Variants in DOCK10 observed in about 807,000 individuals in gnomAD.
DOCK10 encodes the protein dedicator of cytokinesis protein 10.
A neutral mutation model predicts 280.1 loss-of-function variants in DOCK10; 145 were observed. The observed-to-expected ratio is 0.52, with a 90% CI of 0.45 to 0.59. DOCK10 has a LOEUF of 0.59. Among genes scored for constraint, DOCK10 ranks in the 20% least tolerant of loss-of-function variants. DOCK10 has a pLI of 0.00. For synonymous variants in DOCK10, 915 were observed against 942.2 expected (o/e 0.97, Z 0.53); for missense variants, 2,368 against 2,651.7 (o/e 0.89, Z 2.35).
At chr2:224,982,139 C>T (rs560583248) in intron 1 of DOCK10, 2 of 1,172,442 alleles carry the variant, frequency 1.7e-6, no homozygotes, top group African/African-American at 3.2e-5. Flanking sequence ...ACACCAAAAC[C>T]CCTAAATTGT....
intron 11 of DOCK10, among the ~76,000 whole-genome samples, chr2:224,865,832 G>GTT (rs1361467818): frequency 5.8e-4 from 86 of 148,304 alleles, no homozygotes; most frequent in African/African-American, 1.9e-3. Flanking sequence ...TTAACCTCCT[G>GTT]TTTCTCTCTC....
At chr2:225,038,262 A>AT (rs1408447781) in intron 1 of DOCK10, among the ~76,000 whole-genome samples, 1 of 126,444 alleles carries the variant, frequency 7.9e-6, no homozygotes, top group African/African-American at 2.6e-5. Context: ...AAATTCCAGT[A>AT]TCCCCCACTC....
intron 3 of DOCK10, among the ~76,000 whole-genome samples, chr2:224,908,171 T>C (rs1223186545): frequency 8.9e-6 from 1 of 111,834 alleles, no homozygotes; most frequent in African/African-American, 3.4e-5. Flanking sequence ...ATGAGTTGTG[T>C]GTGTGTGTGT....
chr2:224,891,706 T>G (rs1461307916), intron 4 of DOCK10, among the ~76,000 whole-genome samples: 1 of 152,152 alleles, frequency 6.6e-6, no homozygotes, highest in Non-Finnish European at 1.5e-5. Flanking sequence ...CAAAACTCAG[T>G]CAACCCCAGT....
intron 3 of DOCK10, among the ~76,000 whole-genome samples, chr2:224,906,579 C>T (rs891845562): frequency 7.2e-5 from 11 of 152,144 alleles, no homozygotes; most frequent in Admixed American, 2.6e-4. Flanking sequence ...CCTGGATTCA[C>T]GCCATTCTCC....
At chr2:224,983,927 G>A in intron 1 of DOCK10, 1 of 467,616 alleles carries the variant, frequency 2.1e-6, no homozygotes, top group South Asian at 1.6e-5. Flanking sequence ...AAACAACTAG[G>A]GCATTTACTG....
Position 224,778,165 on chromosome 2 carries a change from A to T in DOCK10, c.5775T>A (p.Asn1925Lys), listed in dbSNP as rs761873131. Residue 1925 changes from asparagine (N) to lysine (K), a missense_variant, in exon 51 of 56, where the codon AAT (asparagine) becomes AAA (lysine). Asn to Lys is a moderately conservative substitution (Grantham distance 94, BLOSUM62 0). Coordinates refer to ENST00000258390, the MANE Select transcript of DOCK10 (RefSeq NM_014689.3). ...KLYADKFGADNVKIIQDSNKV... is the reference protein window; with the variant it reads ...KLYADKFGADKVKIIQDSNKV... The stretch of plus-strand genomic sequence containing the variant: ...TGTTGGAATCCTGGATTATCTTCAC[A>T]TTGTCTGCTCCAAATTTATCTGCAT... 1 of 1,613,556 alleles carries T rather than the reference A, an allele frequency of 6.2e-7. No homozygotes were observed. Among genetic ancestry groups the T allele is most frequent in the Non-Finnish European group, 8.5e-7 (1 of 1,179,686 alleles).
chr2:224,809,687 T>C (rs972683019), intron 31 of DOCK10, among the ~76,000 whole-genome samples: 1 of 152,106 alleles, frequency 6.6e-6, no homozygotes, highest in Non-Finnish European at 1.5e-5. Flanking sequence ...AGGATGGCTA[T>C]TATCAGAAAG....
chr2:224,823,461 A>G (rs777749646), intron 28 of DOCK10, 40 bp downstream of exon 28: 10 of 1,511,464 alleles, frequency 6.6e-6, no homozygotes, highest in Admixed American at 2.5e-5. Flanking sequence ...ATCCACCAAC[A>G]TGGGGCCTTG....
intron 37 of DOCK10, 81 bp downstream of exon 37, chr2:224,804,973 ATGGG>A (rs758147340): frequency 2.3e-4 from 308 of 1,324,656 alleles, no homozygotes; most frequent in Admixed American, 1.1e-3. Flanking sequence ...AACTTACTAT[ATGGG>A]TTCTTGAAAT....
At chr2:224,815,035 C>T in intron 30 of DOCK10, among the ~76,000 whole-genome samples, 1 of 152,150 alleles carries the variant, frequency 6.6e-6, no homozygotes, top group East Asian at 1.9e-4. Flanking sequence ...TGTCCCCACC[C>T]AAATTTCATC....
intron 1 of DOCK10, among the ~76,000 whole-genome samples, chr2:225,035,545 TATATA>T (rs1690204754): frequency 1.2e-3 from 14 of 11,510 alleles, no homozygotes; most frequent in African/African-American, 4.0e-3. Context: ...ATATATATTA[TATATA>T]TATATATATA....
At chr2:224,772,519 C>G (rs1690520196) in intron 53 of DOCK10, among the ~76,000 whole-genome samples, 1 of 152,154 alleles carries the variant, frequency 6.6e-6, no homozygotes, top group Non-Finnish European at 1.5e-5. Context: ...TGTCTGTCAT[C>G]AGATGGACCT....
intron 48 of DOCK10, among the ~76,000 whole-genome samples, chr2:224,787,746 AT>A (rs1691834642): frequency 1.3e-5 from 2 of 152,138 alleles, no homozygotes; most frequent in African/African-American, 2.4e-5. Context: ...TTTGTAAAAC[AT>A]AAATCTGATC....
chr2:225,042,378 C>A lies in DOCK10; in HGVS notation c.-4G>T. On this transcript the variant is annotated 5_prime_UTR_variant, in exon 1 of 56. Coordinates refer to ENST00000258390, the MANE Select transcript of DOCK10 (RefSeq NM_014689.3). This position sits in a 1 kb window ranked among gnomAD's most constrained non-coding sequence, Gnocchi z 5.1. ...TGCGGGTCCGCTCACCGGCCATCGC[C>A]GGTCACGCCAATCGCGCCGCGGGCC... 8.1e-7 allele frequency: 1 copy of A among 1,228,700 alleles called. No homozygotes were observed. Among genetic ancestry groups the A allele is most frequent in the South Asian group, 3.0e-5 (1 of 32,898 alleles). The allele number at this position is 1,228,700 out of a possible 1,614,324, so 76.1% of individuals were successfully genotyped here.
intron 31 of DOCK10, among the ~76,000 whole-genome samples, chr2:224,809,351 T>C (rs1187206823): frequency 6.6e-6 from 1 of 152,096 alleles, no homozygotes; most frequent in Non-Finnish European, 1.5e-5. Context: ...AGTAGGATTA[T>C]ATCAAATTTA....
In DOCK10 at chr2:224,806,203, A is replaced by C. The variant is rs1167900118; in HGVS notation, c.3737T>G (p.Phe1246Cys). 2 of 1,610,488 alleles carry C rather than the reference A, an allele frequency of 1.2e-6. No individual in the cohort carries two copies. The highest frequency in any genetic ancestry group is 1.7e-5 in the Admixed American group (1 of 59,760). Residue 1246 changes from phenylalanine to cysteine, a missense_variant, in exon 34 of 56, where the codon TTT becomes TGT. This residue lies in a region of DOCK10 where 1,159 missense variants were observed against 1,400.8 expected (regional missense o/e 0.83). Transcript: ENST00000258390. ...ATGTTTGATAGCTGTCTGGCTTTGA[A>C]ATCCTCCATTGGTGCTTAGATCATC... ...SRDDLSTNGG[F>C]QSQTAIKHAN...
rs1426638940 is a variant in DOCK10 at position 224,794,872 on chromosome 2, T to G, written c.5154+7A>C. On this transcript the variant is annotated splice_region_variant and intron_variant, in intron 45 of 55. Transcript: ENST00000258390. The stretch of plus-strand genomic sequence containing the variant: ...TGATGGTAAATGACCAAGCCTTGGC[T>G]AATCACCTCAGATAAATCTCCGTTT... The G allele has an allele frequency of 3.1e-6, 5 of 1,612,976 alleles. No individual in the cohort carries two copies. Among genetic ancestry groups the G allele is most frequent in the Non-Finnish European group, 4.2e-6 (5 of 1,179,728 alleles).
intron 50 of DOCK10, among the ~76,000 whole-genome samples, chr2:224,779,757 T>C (rs1032408247): frequency 1.3e-5 from 2 of 152,294 alleles, no homozygotes; most frequent in South Asian, 4.1e-4. Flanking sequence ...TACATGTAAA[T>C]AGGATCATCT....
Sources: gnomAD v4.1 joint callset for allele counts (sites outside exome capture counted in the v4.1 genomes callset) on GRCh38, gnomAD v4.1.1 for gene constraint, gnomAD v4.1.1 regional missense constraint, Gnocchi (gnomAD v3.1) non-coding constraint, MANE v1.5 for transcripts, NCBI Gene and HGNC (gene_info 2026-07-23, HGNC 2026-07-21) for gene names.